BIRC6: variants seen among roughly 807,000 people sequenced by gnomAD.
The protein encoded by BIRC6 is dual E2 ubiquitin-conjugating enzyme/E3 ubiquitin-protein ligase BIRC6.
A neutral mutation model predicts 503.3 loss-of-function variants in BIRC6; 98 were observed. The ratio of observed to expected loss-of-function variants is 0.19; its 90% confidence interval spans 0.17 to 0.23. The LOEUF is 0.23. BIRC6 is among the 10% of genes least tolerant of loss of function. The probability of loss-of-function intolerance (pLI) is 1.00; values close to 1 mark genes in which losing one functional copy is unlikely to be tolerated. For missense variants in BIRC6, 5,360 were observed against 5,806.0 expected, an observed-to-expected ratio of 0.92 and a Z score of 2.50; for synonymous variants, 2,240 against 2,078.7, an observed-to-expected ratio of 1.08 and a Z score of -2.11.
chr2:32,464,804 A>G lies in BIRC6; in HGVS notation c.5237A>G (p.Asn1746Ser), dbSNP rs747262042. Residue 1746 changes from asparagine (N) to serine (S), a missense_variant, in exon 25 of 74, where the codon AAT (asparagine) becomes AGT (serine). This residue lies in a region of BIRC6 where 2,299 missense variants were observed against 2,267.2 expected (regional missense o/e 1.01). Coordinates refer to ENST00000421745, the MANE Select transcript of BIRC6 (RefSeq NM_016252.4). ...GTCAATCTTGCTGCACATAACAAAA[A>G]TTCCAACAAGTCCAGAATGGTAAAT... ...PAVNLAAHNK[N>S]SNKSRMNPLG... The G allele has an allele frequency of 4.3e-5, 69 of 1,610,508 alleles. No individual in the cohort carries two copies. Among genetic ancestry groups the G allele is most frequent in the Non-Finnish European group, 5.4e-5 (64 of 1,177,476 alleles).
intron 45 of BIRC6, among the ~76,000 whole-genome samples, chr2:32,497,066 C>G (rs1181087940): frequency 6.6e-6 from 1 of 152,174 alleles, no homozygotes; most frequent in Non-Finnish European, 1.5e-5. Flanking sequence ...TTCTAACTTG[C>G]TAAGACCTTA....
At chr2:32,514,039 G>A (rs893315658) in intron 54 of BIRC6, among the ~76,000 whole-genome samples, 1 of 151,764 alleles carries the variant, frequency 6.6e-6, no homozygotes, top group Non-Finnish European at 1.5e-5. Context: ...ACCCCAGCCT[G>A]GGCAACAGAG....
chr2:32,493,801 G>T, intron 45 of BIRC6, 134 bp downstream of exon 45: 2 of 656,184 alleles, frequency 3.0e-6, no homozygotes, highest in South Asian at 2.4e-5. Flanking sequence ...TAAGGGGGAA[G>T]GATATATTGG....
In BIRC6 at chr2:32,460,467, G is replaced by A. The variant is rs184024756; in HGVS notation, c.4754-2727G>A. Among the ~76,000 whole-genome samples, 694 of 150,650 alleles carry A rather than the reference G, an allele frequency of 4.6e-3. 3 individuals are homozygous for A. The highest frequency in any genetic ancestry group is 7.5e-3 in the Admixed American group (113 of 15,122). ...AATTTTTGTATTTTTAGTAGAGACG[G>A]GGTTTTGCCATGTTGGTCAGGCTGG... On this transcript the variant is annotated intron_variant, in intron 23 of 73. Transcript: ENST00000421745.
intron 9 of BIRC6, among the ~76,000 whole-genome samples, chr2:32,407,657 A>G (rs1300881862): frequency 1.3e-5 from 2 of 152,108 alleles, no homozygotes; most frequent in Non-Finnish European, 2.9e-5. Flanking sequence ...TATAGTTAAC[A>G]TTTGGTAGTA....
intron 30 of BIRC6, 29 bp from the exon 31 acceptor site, chr2:32,470,139 C>T: frequency 7.0e-7 from 1 of 1,429,154 alleles, no homozygotes; most frequent in Non-Finnish European, 9.2e-7. Context: ...GATTCTTATT[C>T]TTTTCTTTTT....
chr2:32,529,615 T>G, intron 59 of BIRC6, 36 bp from the exon 60 acceptor site: 1 of 1,458,436 alleles, frequency 6.9e-7, no homozygotes, highest in African/African-American at 1.4e-5. Flanking sequence ...TGTTTCTTTC[T>G]CGGTTTCCAG....
In BIRC6 at chr2:32,607,523, G is replaced by A. The variant is rs765827484; in HGVS notation, c.14139G>A (p.Arg4713=). The change falls in exon 72 of 74, where the codon CGG becomes CGA. Residue 4713 remains arginine (R), a synonymous_variant. Transcript: ENST00000421745. ...ATTTTAATGAACCGGGATATGAACG[G>A]TCTAGAGGCACTCCCAGTGGCACAC... The part of the protein sequence containing the change: ...EPYFNEPGYE[R]SRGTPSGTQS... 15 of 1,613,720 alleles carry A rather than the reference G, an allele frequency of 9.3e-6. No individual in the cohort carries two copies. Among genetic ancestry groups the A allele is most frequent in the Non-Finnish European group, 1.3e-5 (15 of 1,179,720 alleles).
intron 61 of BIRC6, among the ~76,000 whole-genome samples, chr2:32,532,651 A>G (rs151202836): frequency 1.2e-3 from 181 of 152,314 alleles, no homozygotes; most frequent in Admixed American, 2.4e-3. Flanking sequence ...TGCAACACAC[A>G]ATAATACTTA....
chr2:32,385,296 A>T (rs1212954674), intron 3 of BIRC6, among the ~76,000 whole-genome samples: 1 of 152,188 alleles, frequency 6.6e-6, no homozygotes, highest in East Asian at 1.9e-4. Flanking sequence ...GAGACATTAT[A>T]GTGGGAGTAG....
rs147843099 is a variant in BIRC6 at position 32,491,352 on chromosome 2, G to T, written c.8207-73G>T. 3.4e-4 allele frequency: 467 copies of T among 1,379,466 alleles called. 2 individuals are homozygous for T. In the African/African-American group the frequency reaches 6.2e-3, roughly 18 times the overall value. The allele number at this position is 1,379,466 out of a possible 1,614,324, so 85.5% of individuals were successfully genotyped here. A position where few individuals can be genotyped will look rare whatever the true frequency, so the allele number is the denominator to read the frequency against. On this transcript the variant is annotated intron_variant, in intron 43 of 73. Transcript: ENST00000421745. ...GTATGAATTTTCCTTGGAACTAAAA[G>T]ATGCTTTCAGATACTGCATTTCCAT...
intron 66 of BIRC6, among the ~76,000 whole-genome samples, chr2:32,586,423 CTTTTTTTTTTTTTTTT>C (rs972959083): frequency 1.4e-5 from 1 of 70,944 alleles, no homozygotes; most frequent in Non-Finnish European, 2.6e-5. Flanking sequence ...TCAAGCAGTC[CTTTTTTTTTTTTTTTT>C]TTTTTTTTTT....
At chr2:32,382,851 G>A (rs956374873) in intron 3 of BIRC6, among the ~76,000 whole-genome samples, 1 of 152,002 alleles carries the variant, frequency 6.6e-6, no homozygotes, top group East Asian at 1.9e-4. Flanking sequence ...AGCCTCCTGA[G>A]TAGCTGGGAT....
In BIRC6 at chr2:32,525,066, A is replaced by G. The variant is rs781036838; in HGVS notation, c.11755+47A>G. Reference sequence around the variant, plus strand: ...ATCTTGATTTTGTTTGGGTTTCTATAAAATATTAGAATTTTAGTTACAGGA... The same window carrying G: ...ATCTTGATTTTGTTTGGGTTTCTATGAAATATTAGAATTTTAGTTACAGGA... On this transcript the variant is annotated intron_variant, in intron 58 of 73. Transcript: ENST00000421745. 1.4e-5 allele frequency: 19 copies of G among 1,395,730 alleles called. No homozygotes were observed. In the African/African-American group the frequency reaches 1.9e-4, roughly 14 times the overall value. 86.5% of individuals were successfully genotyped at this position (1,395,730 alleles called of 1,614,324 possible).
intron 72 of BIRC6, among the ~76,000 whole-genome samples, chr2:32,608,001 GAC>G (rs2062586365): frequency 1.2e-5 from 1 of 84,164 alleles, no homozygotes; most frequent in African/African-American, 4.1e-5. Flanking sequence ...AAAAAAAAAA[GAC>G]ATTTTAAAAT....
chr2:32,597,441 A>G (rs1453594436), intron 68 of BIRC6, among the ~76,000 whole-genome samples: 1 of 152,194 alleles, frequency 6.6e-6, no homozygotes, highest in African/African-American at 2.4e-5. Flanking sequence ...TGTCCTCTAT[A>G]TGATATAAAA....
At chr2:32,474,854 T>C (rs368903534) in intron 33 of BIRC6, among the ~76,000 whole-genome samples, 1 of 152,302 alleles carries the variant, frequency 6.6e-6, no homozygotes, top group East Asian at 1.9e-4. Context: ...AGTTTTAATT[T>C]AGGATAGAGT....
At chr2:32,461,069 TCTC>T (rs1201701895) in intron 23 of BIRC6, among the ~76,000 whole-genome samples, 1 of 4,576 alleles carries the variant, frequency 2.2e-4, no homozygotes, top group Non-Finnish European at 5.4e-4. Flanking sequence ...TCTCTTCTGT[TCTC>T]CTCTCCTCTC....
chr2:32,524,441 G>T (rs1412406666), intron 57 of BIRC6, among the ~76,000 whole-genome samples: 1 of 152,136 alleles, frequency 6.6e-6, no homozygotes, highest in Non-Finnish European at 1.5e-5. Flanking sequence ...TCTTGAGCTT[G>T]AGTCCCATAT....
Sources: gnomAD v4.1 joint callset for allele counts (sites outside exome capture counted in the v4.1 genomes callset) on GRCh38, gnomAD v4.1.1 for gene constraint, gnomAD v4.1.1 regional missense constraint, MANE v1.5 for transcripts, NCBI Gene and HGNC (gene_info 2026-07-23, HGNC 2026-07-21) for gene names.